Variants in SLIT2 observed in about 807,000 individuals in gnomAD.
SLIT2 encodes the protein slit guidance ligand 2, also known as slit homolog 2 protein.
A neutral mutation model predicts 185.7 loss-of-function variants in SLIT2; 41 were observed. That is an observed-to-expected ratio of 0.22 (90% confidence interval 0.17 to 0.29). The LOEUF (loss-of-function observed/expected upper bound fraction) is 0.29. SLIT2 is among the 10% of genes least tolerant of loss of function. The probability of loss-of-function intolerance (pLI) is 1.00; values close to 1 mark genes in which losing one functional copy is unlikely to be tolerated. For synonymous variants in SLIT2, 693 were observed against 680.2 expected (o/e 1.02, Z -0.29); for missense variants, 1,571 against 1,909.0 (o/e 0.82, Z 3.30).
chr4:20,355,286 T>G (rs1333541385), intron 4 of SLIT2, among the ~76,000 whole-genome samples: 1 of 152,192 alleles, frequency 6.6e-6, no homozygotes, highest in African/African-American at 2.4e-5. Flanking sequence ...GGCCATGGCT[T>G]GCAAATTGAT....
chr4:20,285,281 A>G (rs1418049485), intron 4 of SLIT2, among the ~76,000 whole-genome samples: 1 of 152,198 alleles, frequency 6.6e-6, no homozygotes, highest in Non-Finnish European at 1.5e-5. Context: ...ATCTGCAACA[A>G]AGATTAACAA....
At chr4:20,256,213 G>C (rs1375867121) in intron 1 of SLIT2, among the ~76,000 whole-genome samples, 3 of 151,826 alleles carry the variant, frequency 2.0e-5, no homozygotes, top group Non-Finnish European at 4.4e-5. Context: ...AGGAAGTTTC[G>C]CCACCATGCT....
chr4:20,543,828 T>C (rs1723023842), intron 21 of SLIT2, among the ~76,000 whole-genome samples: 1 of 152,204 alleles, frequency 6.6e-6, no homozygotes, highest in Non-Finnish European at 1.5e-5. Flanking sequence ...TCACTACCAA[T>C]CACATTGGTT....
intron 8 of SLIT2, chr4:20,489,962 C>G (rs1490525495): frequency 6.6e-6 from 1 of 152,316 alleles, no homozygotes; most frequent in African/African-American, 2.4e-5. Context: ...GTGGTGGGCG[C>G]CTGTAGTCCC....
At chr4:20,339,256 T>C (rs1354768885) in intron 4 of SLIT2, among the ~76,000 whole-genome samples, 2 of 152,156 alleles carry the variant, frequency 1.3e-5, no homozygotes, top group African/African-American at 4.8e-5. Flanking sequence ...TAATTTGTTT[T>C]TTTCTTTGGA....
intron 9 of SLIT2, among the ~76,000 whole-genome samples, chr4:20,507,422 A>G (rs1247651630): frequency 6.6e-6 from 1 of 151,968 alleles, no homozygotes; most frequent in Non-Finnish European, 1.5e-5. Flanking sequence ...TAAATTATAG[A>G]ATTAGTTTGG....
At chr4:20,369,442 G>T (rs1723391940) in intron 4 of SLIT2, among the ~76,000 whole-genome samples, 1 of 152,124 alleles carries the variant, frequency 6.6e-6, no homozygotes, top group African/African-American at 2.4e-5. Flanking sequence ...TGTTGGCTAA[G>T]GCTGTCAGTT....
intron 4 of SLIT2, among the ~76,000 whole-genome samples, chr4:20,303,974 T>C (rs1259330292): frequency 6.6e-6 from 1 of 152,214 alleles, no homozygotes; most frequent in African/African-American, 2.4e-5. Flanking sequence ...CCTGCTAGGC[T>C]GGGAACAGCA....
At chr4:20,417,139 G>A (rs922910169) in intron 4 of SLIT2, among the ~76,000 whole-genome samples, 10 of 151,994 alleles carry the variant, frequency 6.6e-5, no homozygotes, top group African/African-American at 2.4e-4. Context: ...TAGGAGATCA[G>A]CATGTATGGT....
intron 4 of SLIT2, among the ~76,000 whole-genome samples, chr4:20,401,372 G>C (rs946774471): frequency 6.6e-6 from 1 of 151,908 alleles, no homozygotes; most frequent in African/African-American, 2.4e-5. Flanking sequence ...GCAAGAGCCA[G>C]TTTGGCTTCT....
At position 20,472,511 on chromosome 4, in the gene SLIT2, G is replaced by GATATATCTATAT. The variant is rs1218618638; in HGVS notation, c.467+4691_467+4692insTATCTATATATA. Among the ~76,000 whole-genome samples, 9 of 6,712 alleles carry GATATATCTATAT rather than the reference G, an allele frequency of 1.3e-3. 4 individuals are homozygous for GATATATCTATAT. The East Asian group carries it at 0.18, about 136-fold the overall frequency. 4.4% of individuals were successfully genotyped at this position (6,712 alleles called of 152,430 possible). On this transcript the variant is annotated intron_variant, in intron 5 of 36. Coordinates refer to ENST00000504154, the MANE Select transcript of SLIT2 (RefSeq NM_004787.4). ...ATATATAGATATATATCTATATATA[G>GATATATCTATAT]ATAGATATATATCTATATATAGATA... is the stretch of plus-strand genomic sequence containing the variant.
chr4:20,389,053 A>G (rs1272192202), intron 4 of SLIT2, among the ~76,000 whole-genome samples: 1 of 150,196 alleles, frequency 6.7e-6, no homozygotes, highest in Middle Eastern at 3.3e-3. Flanking sequence ...GTTTATGCTT[A>G]AAATATCTGT....
At chr4:20,289,023 C>T (rs912173783) in intron 4 of SLIT2, among the ~76,000 whole-genome samples, 3 of 151,758 alleles carry the variant, frequency 2.0e-5, no homozygotes, top group Non-Finnish European at 2.9e-5. Flanking sequence ...AGTTGAGATA[C>T]GTCTCTAGAC....
intron 29 of SLIT2, among the ~76,000 whole-genome samples, chr4:20,570,334 T>G (rs978097559): frequency 3.9e-5 from 6 of 151,978 alleles, no homozygotes; most frequent in African/African-American, 1.4e-4. Flanking sequence ...AGCAAGTATA[T>G]TCAACATGCA....
At position 20,354,198 on chromosome 4, in the gene SLIT2, G is replaced by A. The variant is rs146191843; in HGVS notation, c.395+85317G>A. On this transcript the variant is annotated intron_variant, in intron 4 of 36. Coordinates refer to ENST00000504154, the MANE Select transcript of SLIT2 (RefSeq NM_004787.4). The stretch of plus-strand genomic sequence containing the variant: ...AAAGCATTTAATGCTAAATTAAGAC[G>A]GAAAGGTAGGTTTTTTTTCTTTTTT... Among the ~76,000 whole-genome samples, 147 of 151,414 alleles carry A rather than the reference G, an allele frequency of 9.7e-4. 1 individual carries two copies. The highest frequency in any genetic ancestry group is 3.2e-3 in the African/African-American group (132 of 41,128).
intron 29 of SLIT2, among the ~76,000 whole-genome samples, chr4:20,579,976 T>TTTTA (rs1726400090): frequency 6.9e-6 from 1 of 144,946 alleles, no homozygotes; most frequent in Non-Finnish European, 1.5e-5. Context: ...ATAATATATA[T>TTTTA]TATATATATA....
intron 15 of SLIT2, among the ~76,000 whole-genome samples, chr4:20,527,404 G>A (rs1721393238): frequency 6.6e-6 from 1 of 151,954 alleles, no homozygotes; most frequent in African/African-American, 2.4e-5. Context: ...TCCTGCCTCA[G>A]CCTCACCGAG....
rs1717823621 is a variant in SLIT2, at chr4:20,491,952, T to C, written c.914+53T>C. On this transcript the variant is annotated intron_variant, in intron 9 of 36. Transcript: ENST00000504154. ...CCCCACCTTCCCGGTGAACCAAACT[T>C]TGATTTTCTTTGGGAAATTCTGAGT... 3.8e-6 allele frequency: 6 copies of C among 1,570,668 alleles called. No homozygotes were observed. The South Asian group carries it at 4.6e-5, about 12-fold the overall frequency.
chr4:20,374,183 A>G (rs1329858218), intron 4 of SLIT2, among the ~76,000 whole-genome samples: 1 of 152,114 alleles, frequency 6.6e-6, no homozygotes. Flanking sequence ...ATATGCGATG[A>G]TACATGCAGG....
Sources: gnomAD v4.1 joint callset for allele counts (sites outside exome capture counted in the v4.1 genomes callset) on GRCh38, gnomAD v4.1.1 for gene constraint, MANE v1.5 for transcripts, NCBI Gene and HGNC (gene_info 2026-07-23, HGNC 2026-07-21) for gene names.